GRID2: variants seen among roughly 807,000 people sequenced by gnomAD.
GRID2 encodes glutamate ionotropic receptor delta type subunit 2.
Under a neutral mutation model 114.8 loss-of-function variants are expected in GRID2, and 33 were observed. That is an observed-to-expected ratio of 0.29 (90% CI 0.22 to 0.38). GRID2 has a LOEUF of 0.38. Among genes scored for constraint, GRID2 ranks in the 10% least tolerant of loss-of-function variants. GRID2 has a pLI of 1.00. For synonymous variants in GRID2, 505 were observed against 449.9 expected (o/e 1.12, Z -1.55); for missense variants, 1,184 against 1,257.7 (o/e 0.94, Z 0.89).
chr4:93,736,578 G>A (rs1310958096), intron 14 of GRID2, among the ~76,000 whole-genome samples: 5 of 151,768 alleles, frequency 3.3e-5, no homozygotes, highest in Admixed American at 6.6e-5. Context: ...ACCTATATTC[G>A]GCTCTTTTAA....
At chr4:93,577,050 AT>A (rs1420638408) in intron 13 of GRID2, among the ~76,000 whole-genome samples, 1 of 152,204 alleles carries the variant, frequency 6.6e-6, no homozygotes, top group African/African-American at 2.4e-5. Context: ...AAATCAAAAA[AT>A]CATCTGCCTT....
chr4:92,495,227 C>G (rs1723330267), intron 1 of GRID2, among the ~76,000 whole-genome samples: 1 of 151,906 alleles, frequency 6.6e-6, no homozygotes, highest in Non-Finnish European at 1.5e-5. Flanking sequence ...TTTCAAGCTC[C>G]CTGTGTTCAT....
intron 1 of GRID2, among the ~76,000 whole-genome samples, chr4:92,536,682 C>T (rs1014829893): frequency 1.3e-5 from 2 of 151,952 alleles, no homozygotes; most frequent in African/African-American, 4.8e-5. Flanking sequence ...TAGTTCTTTC[C>T]TTTAAAAAAT....
At chr4:93,440,163 T>A (rs1205711724) in intron 10 of GRID2, among the ~76,000 whole-genome samples, 1 of 152,024 alleles carries the variant, frequency 6.6e-6, no homozygotes, top group Admixed American at 6.6e-5. Context: ...AAATGTTCCA[T>A]GATCACACAA....
chr4:92,798,875 T>C (rs116026265), intron 2 of GRID2, among the ~76,000 whole-genome samples: 2 of 151,954 alleles, frequency 1.3e-5, no homozygotes, highest in Non-Finnish European at 2.9e-5. Flanking sequence ...ACGAATTAAC[T>C]GAAATAGCAG....
chr4:92,446,094 C>T lies in GRID2; in HGVS notation c.88+141350C>T, dbSNP rs761968579. On this transcript the variant is annotated intron_variant, in intron 1 of 15. Coordinates refer to ENST00000282020, the MANE Select transcript of GRID2 (RefSeq NM_001510.4). ...TGGAGTAGCTGGGACTACAGGGTTA[C>T]GTCACCATGCCCTGTCTAATTTTTG... Among the ~76,000 whole-genome samples the T allele has an allele frequency of 3.0e-4, 45 of 152,064 alleles. 1 individual carries two copies. The highest frequency in any genetic ancestry group is 7.0e-4 in the African/African-American group (29 of 41,422).
chr4:93,778,906 A>T (rs941951036), downstream of GRID2, among the ~76,000 whole-genome samples: 3 of 152,242 alleles, frequency 2.0e-5, no homozygotes, highest in African/African-American at 4.8e-5. Flanking sequence ...AGTTAAAATT[A>T]AAAATATGCA....
At chr4:93,164,124 A>T (rs1159116934) in intron 4 of GRID2, among the ~76,000 whole-genome samples, 2 of 151,846 alleles carry the variant, frequency 1.3e-5, no homozygotes, top group Non-Finnish European at 2.9e-5. Context: ...GCTAGATGAG[A>T]GATGTGTGAC....
intron 8 of GRID2, among the ~76,000 whole-genome samples, chr4:93,324,921 C>G (rs1158114628): frequency 6.6e-6 from 1 of 151,946 alleles, no homozygotes; most frequent in Admixed American, 6.6e-5. Flanking sequence ...TTTGATTCTT[C>G]TCTCTTTTCT....
chr4:93,370,476 GACACACACACACACGCACAC>G (rs555128772), intron 8 of GRID2, among the ~76,000 whole-genome samples: 1 of 139,344 alleles, frequency 7.2e-6, no homozygotes, highest in African/African-American at 2.6e-5. Flanking sequence ...CGCACACAGA[GACACACACACACACGCACAC>G]ACACACACAC....
chr4:92,331,764 A>G (rs1346822351), intron 1 of GRID2, among the ~76,000 whole-genome samples: 1 of 152,208 alleles, frequency 6.6e-6, no homozygotes, highest in Non-Finnish European at 1.5e-5. Context: ...AGTAGAGTTA[A>G]TTCCTATTTC....
intron 2 of GRID2, among the ~76,000 whole-genome samples, chr4:92,928,864 T>C (rs1227750672): frequency 2.0e-5 from 3 of 151,444 alleles, no homozygotes; most frequent in Admixed American, 6.6e-5. Flanking sequence ...ATATTCAAAG[T>C]AGTTATTTTT....
intron 2 of GRID2, among the ~76,000 whole-genome samples, chr4:92,939,295 T>G (rs954791885): frequency 6.8e-6 from 1 of 147,698 alleles, no homozygotes; most frequent in Non-Finnish European, 1.5e-5. Flanking sequence ...TGGTTTTGAT[T>G]TGCATTTCTC....
At chr4:92,355,970 T>C (rs1188719604) in intron 1 of GRID2, among the ~76,000 whole-genome samples, 4 of 151,810 alleles carry the variant, frequency 2.6e-5, no homozygotes, top group African/African-American at 9.7e-5. Flanking sequence ...AAAACACTGG[T>C]TATAATTTTC....
intron 13 of GRID2, among the ~76,000 whole-genome samples, chr4:93,526,716 G>A (rs1730942979): frequency 6.6e-6 from 1 of 152,154 alleles, no homozygotes; most frequent in South Asian, 2.1e-4. Flanking sequence ...AGCTGAGGCA[G>A]AAGAATCACT....
At chr4:92,984,629 G>T (rs1238180397) in intron 2 of GRID2, among the ~76,000 whole-genome samples, 2 of 152,134 alleles carry the variant, frequency 1.3e-5, no homozygotes, top group African/African-American at 4.8e-5. Flanking sequence ...AGGAATCCAT[G>T]GCCAAGAGAA....
At chr4:92,852,202 T>C (rs1376362456) in intron 2 of GRID2, among the ~76,000 whole-genome samples, 1 of 151,896 alleles carries the variant, frequency 6.6e-6, no homozygotes, top group African/African-American at 2.4e-5. Flanking sequence ...GATAGAGATG[T>C]GTAAGGGAGG....
rs143728245 is a variant in GRID2, at chr4:93,458,619, C to G, written c.1858+2645C>G. ...GAGAACATCCTGGATGTACCCACCT[C>G]ATGGGTTTTTATGAGAATTTATTAA... On this transcript the variant is annotated intron_variant, in intron 11 of 15. Transcript: ENST00000282020. Among the ~76,000 whole-genome samples the G allele has an allele frequency of 7.2e-5, 11 of 152,158 alleles. No homozygotes were observed. The East Asian group carries it at 1.7e-3, about 24-fold the overall frequency.
chr4:92,543,161 A>G (rs1726066547), intron 1 of GRID2, among the ~76,000 whole-genome samples: 1 of 152,098 alleles, frequency 6.6e-6, no homozygotes, highest in African/African-American at 2.4e-5. Flanking sequence ...TATATAATAT[A>G]ATATTGGTAA....
Sources: gnomAD v4.1 joint callset for allele counts (sites outside exome capture counted in the v4.1 genomes callset) on GRCh38, gnomAD v4.1.1 for gene constraint, MANE v1.5 for transcripts, NCBI Gene and HGNC (gene_info 2026-07-23, HGNC 2026-07-21) for gene names.